Variants in BICDL1 observed in about 807,000 individuals in gnomAD.
BICDL1 encodes BICD family-like cargo adapter 1.
In BICDL1, 20 loss-of-function variants were observed where a neutral mutation model predicts 76.8. That is an observed-to-expected ratio of 0.26 (90% CI 0.18 to 0.38). The LOEUF (loss-of-function observed/expected upper bound fraction) is 0.38. Among genes scored for constraint, BICDL1 ranks in the 10% least tolerant of loss-of-function variants. The probability of loss-of-function intolerance (pLI) is 1.00; values close to 1 mark genes in which losing one functional copy is unlikely to be tolerated. For synonymous variants in BICDL1, 383 were observed against 337.1 expected (o/e 1.14, Z -1.49); for missense variants, 700 against 798.6 (o/e 0.88, Z 1.49).
At chr12:120,056,534 C>T (rs1029965067) in intron 2 of BICDL1, among the ~76,000 whole-genome samples, 6 of 152,132 alleles carry the variant, frequency 3.9e-5, no homozygotes, top group African/African-American at 9.7e-5. Context: ...GCCTGACCAA[C>T]GTGGTGAAAC....
At chr12:120,013,439 A>AGTGTGTGTGTGTGTGTGT (rs35499277) in intron 2 of BICDL1, among the ~76,000 whole-genome samples, 88 of 134,888 alleles carry the variant, frequency 6.5e-4, no homozygotes, top group South Asian at 3.7e-3. Context: ...CTTTAACCAG[A>AGTGTGTGTGTGTGTGTGT]GTGTGTGTGT....
rs1951471880 is a variant in BICDL1, at chr12:119,989,759, C to G, written c.-110C>G. 2.9e-6 allele frequency: 1 copy of G among 347,666 alleles called. No homozygotes were observed. Among genetic ancestry groups the G allele is most frequent in the Non-Finnish European group, 4.0e-6 (1 of 251,270 alleles). 21.5% of individuals were successfully genotyped at this position (347,666 alleles called of 1,614,324 possible). A position where few individuals can be genotyped will look rare whatever the true frequency, so the allele number is the denominator to read the frequency against. On this transcript the variant is annotated 5_prime_UTR_variant, in exon 1 of 10. Coordinates refer to ENST00000548673, the MANE Select transcript of BICDL1 (RefSeq NM_001367886.1). ...CGCGGGGACCCGGGGGCGCGTGCCG[C>G]GGCGCGAGGCGAGGCGCGGGACGCG...
At chr12:120,092,404 T>C in intron 9 of BICDL1, 5 of 985,460 alleles carry the variant, frequency 5.1e-6, no homozygotes, top group Non-Finnish European at 6.0e-6. Flanking sequence ...CCCTGGCCTC[T>C]GCCGCAGATG....
intron 9 of BICDL1, chr12:120,090,662 A>G: frequency 2.8e-6 from 1 of 362,004 alleles, no homozygotes; most frequent in East Asian, 7.3e-5. Context: ...GGATATGGGT[A>G]TAAACATTAA....
intron 2 of BICDL1, chr12:120,056,993 C>T (rs1199404468): frequency 8.2e-6 from 4 of 485,326 alleles, no homozygotes; most frequent in Non-Finnish European, 1.6e-5. Flanking sequence ...GGATAGGAGC[C>T]CAGTGGTCCT....
At chr12:119,993,531 A>G (rs1455586678) in intron 1 of BICDL1, 2 of 152,098 alleles carry the variant, frequency 1.3e-5, no homozygotes, top group Admixed American at 6.5e-5. Context: ...TAATTGGAAA[A>G]ACTGTAAGGT....
At chr12:120,063,605 A>G (rs1953154093) in intron 3 of BICDL1, among the ~76,000 whole-genome samples, 1 of 152,210 alleles carries the variant, frequency 6.6e-6, no homozygotes. Flanking sequence ...AACTTGCACA[A>G]GTAAAAGCCT....
chr12:120,056,901 C>T, intron 2 of BICDL1: 1 of 328,844 alleles, frequency 3.0e-6, no homozygotes, highest in Admixed American at 4.2e-5. Flanking sequence ...AATGCCTCCT[C>T]CCAGCCGACC....
intron 2 of BICDL1, among the ~76,000 whole-genome samples, chr12:120,023,111 G>T (rs889996461): frequency 2.0e-5 from 3 of 152,150 alleles, no homozygotes. Context: ...ATTAGCTCTG[G>T]ACCAGGGGTA....
chr12:120,049,019 A>G (rs894316888), intron 2 of BICDL1, among the ~76,000 whole-genome samples: 6 of 152,212 alleles, frequency 3.9e-5, no homozygotes, highest in Non-Finnish European at 8.8e-5. Flanking sequence ...TGGGAATGCA[A>G]AAATGAATTA....
chr12:120,068,681 C>G (rs571558040), intron 4 of BICDL1, among the ~76,000 whole-genome samples: 1 of 152,098 alleles, frequency 6.6e-6, no homozygotes, highest in African/African-American at 2.4e-5. Context: ...CTGGACATGG[C>G]GGCGCATGCC....
At chr12:120,049,920 T>C (rs1952820907) in intron 2 of BICDL1, among the ~76,000 whole-genome samples, 2 of 152,214 alleles carry the variant, frequency 1.3e-5, no homozygotes, top group Admixed American at 6.5e-5. Flanking sequence ...CATTTTACAC[T>C]CCCACCAACA....
At chr12:119,990,543 G>A (rs912899414) in intron 1 of BICDL1, among the ~76,000 whole-genome samples, 2 of 152,288 alleles carry the variant, frequency 1.3e-5, no homozygotes, top group East Asian at 1.9e-4. Flanking sequence ...TTCTATATAC[G>A]TACTGTACCC....
At position 120,093,167 on chromosome 12, in the gene BICDL1, G is replaced by A. The variant is rs769853071; in HGVS notation, c.*6G>A. 9 of 1,579,988 alleles carry A rather than the reference G, an allele frequency of 5.7e-6. No individual in the cohort carries two copies. The East Asian group carries it at 1.2e-4, about 21-fold the overall frequency. On this transcript the variant is annotated 3_prime_UTR_variant, in exon 10 of 10. Transcript: ENST00000548673. ...CATTCTTCAGGAAAATTTAAGTTGG[G>A]AGGAGTCAGGCCACCAAAGATGGGT... is the stretch of plus-strand genomic sequence containing the variant.
chr12:120,024,339 A>G (rs1952244745), intron 2 of BICDL1, among the ~76,000 whole-genome samples: 1 of 152,182 alleles, frequency 6.6e-6, no homozygotes, highest in South Asian at 2.1e-4. Context: ...TGAAAATGAC[A>G]ATGTCTGAGA....
At chr12:120,045,997 T>C (rs962767131) in intron 2 of BICDL1, among the ~76,000 whole-genome samples, 1 of 152,120 alleles carries the variant, frequency 6.6e-6, no homozygotes, top group Non-Finnish European at 1.5e-5. Flanking sequence ...ATTTCTGCCC[T>C]TGAAGAAACA....
Position 119,989,238 on chromosome 12 carries a change from G to C in BICDL1, c.-631G>C, listed in dbSNP as rs1490701678. Among the ~76,000 whole-genome samples the C allele has an allele frequency of 2.7e-5, 4 of 150,168 alleles. No individual in the cohort carries two copies. In the East Asian group the frequency reaches 7.9e-4, roughly 30 times the overall value. On this transcript the variant is annotated 5_prime_UTR_variant, in exon 1 of 10. Transcript: ENST00000548673. ...AGCCGGGAGGAGCCGGGGAAGGCAG[G>C]AAGGAGCTCGCCGGGTTGCGCGGCG...
intron 2 of BICDL1, among the ~76,000 whole-genome samples, chr12:120,025,175 C>T (rs564537158): frequency 5.5e-4 from 83 of 151,940 alleles, no homozygotes; most frequent in Admixed American, 1.0e-3. Context: ...CTCAGCCTCC[C>T]GAGTAGCTGG....
intron 2 of BICDL1, among the ~76,000 whole-genome samples, chr12:120,040,560 C>T (rs923832671): frequency 3.9e-5 from 6 of 152,004 alleles, no homozygotes; most frequent in Admixed American, 1.3e-4. Context: ...AGACTATAGG[C>T]ATACACTACC....
Sources: allele counts gnomAD v4.1 joint callset (sites outside exome capture counted in the v4.1 genomes callset), GRCh38; gene constraint gnomAD v4.1.1; transcripts MANE v1.5; gene names NCBI Gene and HGNC (gene_info 2026-07-23, HGNC 2026-07-21).